Variants in BRF1 observed in about 807,000 individuals in gnomAD.
The protein encoded by BRF1 is transcription factor IIIB 90 kDa subunit.
Under a neutral mutation model 81.7 loss-of-function variants are expected in BRF1, and 59 were observed. That is an observed-to-expected ratio of 0.72 (90% CI 0.59 to 0.90). The LOEUF is 0.90. BRF1 is among the 40% of genes least tolerant of loss of function. BRF1 has a pLI of 0.00. For missense variants in BRF1, 1,050 were observed against 936.3 expected (o/e 1.12, Z -1.58); for synonymous variants, 491 against 395.6 (o/e 1.24, Z -2.86).
chr14:105,304,701 T>C (rs1368412571), upstream of BRF1, among the ~76,000 whole-genome samples: 2 of 152,192 alleles, frequency 1.3e-5, no homozygotes, highest in Non-Finnish European at 2.9e-5. Flanking sequence ...AAGAGGTTTA[T>C]TGGACCTGTA....
intron 6 of BRF1, 98 bp downstream of exon 6, chr14:105,241,167 T>C: frequency 6.5e-7 from 1 of 1,540,314 alleles, no homozygotes. Context: ...CTCAGTGCTC[T>C]GCAAACATAC....
chr14:105,312,160 G>A lies in BRF1; in HGVS notation c.-162+3162C>T, dbSNP rs374274615. On this transcript the variant is annotated intron_variant, in intron 1 of 17. Coordinates refer to the BRF1 transcript ENST00000327359. The stretch of plus-strand genomic sequence containing the variant: ...TTTCCAAGCAGCCCATGGTCCTGGC[G>A]CCCGACTGGAAAAGCCTGAGCCTTC... 5.9e-5 allele frequency among the ~76,000 whole-genome samples: 9 copies of A among 152,202 alleles called. No homozygotes were observed. The East Asian group carries it at 1.2e-3, about 20-fold the overall frequency.
Position 105,210,315 on chromosome 14 carries a change from A to G in BRF1, c.*236T>C. ...CAGGCAGCGGGACCCAGCCCTGCAC[A>G]CACCCGGCCCACATCTGATCACACA... On this transcript the variant is annotated 3_prime_UTR_variant, in exon 18 of 18. Coordinates refer to ENST00000547530, the MANE Select transcript of BRF1 (RefSeq NM_001519.4). The surrounding 1 kb of genome is among the most constrained non-coding windows in gnomAD (Gnocchi z 4.7). 1 of 557,728 alleles carries G rather than the reference A, an allele frequency of 1.8e-6. No homozygotes were observed. The highest frequency in any genetic ancestry group is 3.2e-6 in the Non-Finnish European group (1 of 310,370). 34.5% of individuals were successfully genotyped at this position (557,728 alleles called of 1,614,324 possible).
chr14:105,215,871 C>A (rs587681893), intron 15 of BRF1, among the ~76,000 whole-genome samples: 133 of 148,792 alleles, frequency 8.9e-4, no homozygotes, highest in African/African-American at 3.2e-3. Flanking sequence ...CACATGCACA[C>A]ACACGCTGCA....
At chr14:105,248,292 C>G in intron 5 of BRF1, 5 of 985,474 alleles carry the variant, frequency 5.1e-6, no homozygotes, top group Non-Finnish European at 6.0e-6. Flanking sequence ...GCCAAACAAG[C>G]AGGTCCACCT....
chr14:105,310,533 CAAA>C (rs764203821), intron 1 of BRF1, among the ~76,000 whole-genome samples: 4 of 79,742 alleles, frequency 5.0e-5, no homozygotes, highest in South Asian at 1.1e-3. Flanking sequence ...GACTCTGTCT[CAAA>C]AAAAAAAAAA....
chr14:105,217,249 C>T (rs1218652578), intron 15 of BRF1: 2 of 525,752 alleles, frequency 3.8e-6, no homozygotes, highest in African/African-American at 1.9e-5. Flanking sequence ...CTGGAGAAGG[C>T]ACCGACCCCA....
At chr14:105,261,848 G>T (rs1012439808) in intron 3 of BRF1, among the ~76,000 whole-genome samples, 1 of 152,230 alleles carries the variant, frequency 6.6e-6, no homozygotes, top group Non-Finnish European at 1.5e-5. Flanking sequence ...GGACCAAGGA[G>T]CGAAACCCAC....
chr14:105,270,934 A>T (rs2056627162), intron 3 of BRF1, among the ~76,000 whole-genome samples: 1 of 152,170 alleles, frequency 6.6e-6, no homozygotes, highest in African/African-American at 2.4e-5. Flanking sequence ...GGCCACCAGG[A>T]TCACCTGGCA....
chr14:105,226,826 T>C lies in BRF1; in HGVS notation c.789-66A>G, dbSNP rs1195581063. The C allele has an allele frequency of 3.7e-6, 6 of 1,607,334 alleles. No homozygotes were observed. The African/African-American group carries it at 8.0e-5, about 21-fold the overall frequency. ...TGAAACCAGCTGTTTAAAACTGAGC[T>C]TTCGCCTGGGCGTGGCTCATGCCTG... On this transcript the variant is annotated intron_variant, in intron 7 of 17. Coordinates refer to ENST00000547530, the MANE Select transcript of BRF1 (RefSeq NM_001519.4).
intron 10 of BRF1, chr14:105,222,661 C>G (rs1280298835): frequency 1.3e-5 from 2 of 151,830 alleles, no homozygotes; most frequent in African/African-American, 4.8e-5. Flanking sequence ...CGGAGTCTCG[C>G]TCTGTCGCCC....
chr14:105,269,149 C>T lies in BRF1; in HGVS notation c.439+3572G>A, dbSNP rs587650153. ...GGCTCTGGCTGGCAGGCCTAGGGCACGGTGCTGCCCGCAACCTGAAGGGAG... is the reference window on the plus strand; with the variant it reads ...GGCTCTGGCTGGCAGGCCTAGGGCATGGTGCTGCCCGCAACCTGAAGGGAG... On this transcript the variant is annotated intron_variant, in intron 3 of 17. Coordinates refer to ENST00000547530, the MANE Select transcript of BRF1 (RefSeq NM_001519.4). This position sits in a 1 kb window ranked among gnomAD's most constrained non-coding sequence, Gnocchi z 5.0. Among the ~76,000 whole-genome samples the T allele has an allele frequency of 1.3e-5, 2 of 152,022 alleles. No individual in the cohort carries two copies. Among genetic ancestry groups the T allele is most frequent in the African/African-American group, 2.4e-5 (1 of 41,360 alleles).
rs780357366 is a variant in BRF1 at position 105,209,752 on chromosome 14, T to C, written c.*799A>G. 35 of 594,448 alleles carry C rather than the reference T, an allele frequency of 5.9e-5. No homozygotes were observed. Among genetic ancestry groups the C allele is most frequent in the Non-Finnish European group, 8.1e-5 (27 of 332,496 alleles). 36.8% of individuals were successfully genotyped at this position (594,448 alleles called of 1,614,324 possible). ...GACACTATGCAGGCTATGCCCGCAC[T>C]GCCTACAGAGCTATGCTCAGGACGG... On this transcript the variant is annotated 3_prime_UTR_variant, in exon 18 of 18. Coordinates refer to ENST00000547530, the MANE Select transcript of BRF1 (RefSeq NM_001519.4).
chr14:105,210,614 C>A lies in BRF1; in HGVS notation c.1997-26G>T. ...CTGCAGAAGAGCACAGTCATGAAGC[C>A]CAGGGTCTCTGTGGGACCCAGGAGC... is the stretch of plus-strand genomic sequence containing the variant. On this transcript the variant is annotated intron_variant, in intron 17 of 17. Transcript: ENST00000547530. The surrounding 1 kb of genome is among the most constrained non-coding windows in gnomAD (Gnocchi z 4.7). 6.2e-7 allele frequency: 1 copy of A among 1,610,232 alleles called. No homozygotes were observed. Among genetic ancestry groups the A allele is most frequent in the Non-Finnish European group, 8.5e-7 (1 of 1,179,692 alleles).
intron 3 of BRF1, among the ~76,000 whole-genome samples, chr14:105,265,123 A>C (rs2056352628): frequency 6.9e-6 from 1 of 145,456 alleles, no homozygotes; most frequent in African/African-American, 2.5e-5. Flanking sequence ...GAATGCACTG[A>C]TGCACTGATG....
At chr14:105,287,958 G>A (rs1595471058) in intron 1 of BRF1, among the ~76,000 whole-genome samples, 1 of 152,220 alleles carries the variant, frequency 6.6e-6, no homozygotes, top group Non-Finnish European at 1.5e-5. Flanking sequence ...CTGAGGCCCA[G>A]AGCCGGCCTC....
Position 105,211,301 on chromosome 14 carries a change from G to A in BRF1, c.1825-8C>T, listed in dbSNP as rs751048406. ...AGAGCTTGGGAGCAAAGCCTGGAAC[G>A]AAGTGGGGCTCTGACACACACAGAG... is the stretch of plus-strand genomic sequence containing the variant. On this transcript the variant is annotated splice_region_variant and splice_polypyrimidine_tract_variant and intron_variant, in intron 16 of 17. Coordinates refer to ENST00000547530, the MANE Select transcript of BRF1 (RefSeq NM_001519.4). 1.7e-5 allele frequency: 27 copies of A among 1,584,734 alleles called. No individual in the cohort carries two copies. Among genetic ancestry groups the A allele is most frequent in the Admixed American group, 5.2e-5 (3 of 58,164 alleles).
In BRF1 at chr14:105,264,440, G is replaced by A. The variant is rs189517991; in HGVS notation, c.440-7891C>T. Among the ~76,000 whole-genome samples, 490 of 151,940 alleles carry A rather than the reference G, an allele frequency of 3.2e-3. 3 individuals carry two copies. The highest frequency in any genetic ancestry group is 0.012 in the African/African-American group (480 of 41,454). On this transcript the variant is annotated intron_variant, in intron 3 of 17. Coordinates refer to ENST00000547530, the MANE Select transcript of BRF1 (RefSeq NM_001519.4). ...AGCACTTTGGGAGGCCGAGGTGGGC[G>A]GATCACGAGGTCAGGATATCGGGAC...
chr14:105,223,643 AG>A (rs976255309), intron 10 of BRF1, among the ~76,000 whole-genome samples: 1 of 152,112 alleles, frequency 6.6e-6, no homozygotes, highest in Non-Finnish European at 1.5e-5. Flanking sequence ...CTGGGGCAGG[AG>A]GGGGGGTGGT....
Sources: allele counts gnomAD v4.1 joint callset (sites outside exome capture counted in the v4.1 genomes callset), GRCh38; gene constraint gnomAD v4.1.1; non-coding constraint Gnocchi (gnomAD v3.1); transcripts MANE v1.5; gene names NCBI Gene and HGNC (gene_info 2026-07-23, HGNC 2026-07-21).